Variants in PRPF6 observed in about 807,000 individuals in gnomAD.
PRPF6 encodes pre-mRNA processing factor 6.
PRPF6 carries 42 observed loss-of-function variants against 118.3 expected under a neutral mutation model. That is an observed-to-expected ratio of 0.35 (90% CI 0.28 to 0.46). The LOEUF (loss-of-function observed/expected upper bound fraction) is 0.46, where lower values mean the gene tolerates loss of function less well. Among genes scored for constraint, PRPF6 ranks in the 20% least tolerant of loss-of-function variants. PRPF6 has a pLI of 1.00. For missense variants in PRPF6, 662 were observed against 1,255.7 expected, an observed-to-expected ratio of 0.53 and a Z score of 7.15; for synonymous variants, 481 against 485.1, an observed-to-expected ratio of 0.99 and a Z score of 0.11.
At chr20:64,024,263 T>C (rs2059278000) in intron 13 of PRPF6, among the ~76,000 whole-genome samples, 1 of 152,234 alleles carries the variant, frequency 6.6e-6, no homozygotes, top group African/African-American at 2.4e-5. Flanking sequence ...AGGTTATTGC[T>C]GCTTCCAGGA....
chr20:64,024,675 C>T lies in PRPF6; in HGVS notation c.1890C>T (p.Ile630=), dbSNP rs372742097. The change falls in exon 14 of 21, where the codon ATC becomes ATT. Residue 630 remains isoleucine (I), a synonymous_variant. Transcript: ENST00000266079. ...GGGATGTGCCTGCAGCAAGGAGCATCCTGGCCCTGGCCTTCCAGGTGGGTG... is the reference window on the plus strand; with the variant it reads ...GGGATGTGCCTGCAGCAAGGAGCATTCTGGCCCTGGCCTTCCAGGTGGGTG... ...LAGDVPAARS[I]LALAFQANPN... 3.5e-5 allele frequency: 57 copies of T among 1,612,814 alleles called. No homozygotes were observed. The African/African-American group carries it at 6.7e-4, about 19-fold the overall frequency.
chr20:63,986,995 C>G (rs2059097071), intron 3 of PRPF6, among the ~76,000 whole-genome samples: 1 of 150,902 alleles, frequency 6.6e-6, no homozygotes, highest in South Asian at 2.1e-4. Flanking sequence ...AGGGTAATAC[C>G]TTTTCTTTAC....
At chr20:64,016,992 G>T (rs1473113113) in intron 12 of PRPF6, 147 bp downstream of exon 12, 1 of 1,129,904 alleles carries the variant, frequency 8.9e-7, no homozygotes, top group African/African-American at 1.6e-5. Context: ...GCCCAGGCTG[G>T]AGTGCAGTGG....
At chr20:63,996,264 G>T (rs1047632695) in intron 6 of PRPF6, among the ~76,000 whole-genome samples, 1 of 152,122 alleles carries the variant, frequency 6.6e-6, no homozygotes, top group African/African-American at 2.4e-5. Flanking sequence ...GCTTGAACCC[G>T]GGCGTTGGAG....
rs759157430 is a variant in PRPF6 at position 64,029,500 on chromosome 20, G to C, written c.2546+9G>C. The C allele has an allele frequency of 6.2e-7, 1 of 1,612,240 alleles. No homozygotes were observed. The highest frequency in any genetic ancestry group is 1.1e-5 in the South Asian group (1 of 91,070). ...CTCCTGGCCGTGGCCAAGTGAGTGG[G>C]GCCCCCACAGGATTGCTGAACCTCG... On this transcript the variant is annotated intron_variant, in intron 19 of 20. Coordinates refer to ENST00000266079, the MANE Select transcript of PRPF6 (RefSeq NM_012469.4). This position sits in a 1 kb window ranked among gnomAD's most constrained non-coding sequence, Gnocchi z 4.8.
chr20:63,994,824 C>A, intron 4 of PRPF6, 92 bp from the exon 5 acceptor site: 1 of 1,522,210 alleles, frequency 6.6e-7, no homozygotes. Flanking sequence ...GCTTGGTGAT[C>A]TGGAGGCTAG....
intron 8 of PRPF6, among the ~76,000 whole-genome samples, chr20:64,000,056 A>G (rs943130869): frequency 2.7e-5 from 4 of 150,912 alleles, no homozygotes; most frequent in Non-Finnish European, 5.9e-5. Flanking sequence ...GGTTCACACC[A>G]TTGTCCTGTC....
intron 3 of PRPF6, among the ~76,000 whole-genome samples, chr20:63,986,095 A>G (rs2059091868): frequency 6.6e-6 from 1 of 152,144 alleles, no homozygotes; most frequent in African/African-American, 2.4e-5. Context: ...GCACTTTGGG[A>G]GGCCGAGGTG....
rs531681745 is a variant in PRPF6, at chr20:64,032,538, C to G, written c.2674-303C>G. ...AAAGTGTTGCCAGCCCACGTGAACCCTAACTCCTTGTTTGGAGAAGGCAGA... is the reference window on the plus strand; with the variant it reads ...AAAGTGTTGCCAGCCCACGTGAACCGTAACTCCTTGTTTGGAGAAGGCAGA... On this transcript the variant is annotated intron_variant, in intron 20 of 20. Coordinates refer to ENST00000266079, the MANE Select transcript of PRPF6 (RefSeq NM_012469.4). 2.6e-5 allele frequency among the ~76,000 whole-genome samples: 4 copies of G among 152,370 alleles called. No individual in the cohort carries two copies. In the South Asian group the frequency reaches 8.3e-4, roughly 32 times the overall value.
In PRPF6 at chr20:64,011,779, C is replaced by T. The variant is rs2427591; in HGVS notation, c.1524+276C>T. 0.057 allele frequency among the ~76,000 whole-genome samples: 6,455 copies of T among 112,602 alleles called. 328 individuals carry two copies. Among genetic ancestry groups the T allele is most frequent in the African/African-American group, 0.089 (2,435 of 27,280 alleles). 73.9% of individuals were successfully genotyped at this position (112,602 alleles called of 152,430 possible). On this transcript the variant is annotated intron_variant, in intron 11 of 20. Transcript: ENST00000266079. The surrounding 1 kb of genome is among the most constrained non-coding windows in gnomAD (Gnocchi z 6.7). ...TTCTTTGCTAGTAGAAATGATACAC[C>T]TACGAGAGGAGGACAGGAAGTCTCA...
Position 64,011,496 on chromosome 20 carries a change from G to A in PRPF6, c.1517G>A (p.Trp506Ter). 1.2e-6 allele frequency: 2 copies of A among 1,612,716 alleles called. No homozygotes were observed. The highest frequency in any genetic ancestry group is 1.7e-6 in the Non-Finnish European group (2 of 1,179,788). ...GGTGTGGAGATCAACCGTGAGCAGT[G>A]GATCCAGGTGGGCCGCAGGCGGGTG... ...ANGVEINREQ[W>*]IQDAEECDRA... The change falls in exon 11 of 21, where the codon TGG becomes TAG. Residue 506 changes from tryptophan to a stop codon, truncating the protein, a stop_gained. Coordinates refer to ENST00000266079, the MANE Select transcript of PRPF6 (RefSeq NM_012469.4). LOFTEE classifies it high-confidence loss of function. This position sits in a 1 kb window ranked among gnomAD's most constrained non-coding sequence, Gnocchi z 6.7.
At chr20:64,022,657 A>G in intron 12 of PRPF6, 100 bp from the exon 13 acceptor site, 4 of 1,543,082 alleles carry the variant, frequency 2.6e-6, no homozygotes, top group South Asian at 2.2e-5. Flanking sequence ...CTTCTAGCAG[A>G]TATCATCTTT....
intron 11 of PRPF6, among the ~76,000 whole-genome samples, chr20:64,015,872 A>G (rs1268966072): frequency 6.6e-6 from 1 of 152,144 alleles, no homozygotes; most frequent in African/African-American, 2.4e-5. Context: ...TTATGCACTA[A>G]TCCCAGCACT....
intron 9 of PRPF6, among the ~76,000 whole-genome samples, chr20:64,007,464 CTT>C (rs199727901): frequency 6.5e-4 from 81 of 124,600 alleles, no homozygotes; most frequent in African/African-American, 2.1e-3. Context: ...CCCTTTTCCT[CTT>C]TTTTTTTTTT....
chr20:64,027,428 C>A lies in PRPF6; in HGVS notation c.2206-175C>A, dbSNP rs2059295850. On this transcript the variant is annotated intron_variant, in intron 16 of 20. Coordinates refer to ENST00000266079, the MANE Select transcript of PRPF6 (RefSeq NM_012469.4). The surrounding 1 kb of genome is among the most constrained non-coding windows in gnomAD (Gnocchi z 6.5). ...ACGTACAGACCTGTGTGCACAGGTC[C>A]ACAGCACCACCGCACACCTGTACAC... Among the ~76,000 whole-genome samples the A allele has an allele frequency of 6.6e-6, 1 of 152,128 alleles. No individual in the cohort carries two copies. Among genetic ancestry groups the A allele is most frequent in the Admixed American group, 6.5e-5 (1 of 15,272 alleles).
At chr20:64,025,283 C>T (rs2059283926) in intron 14 of PRPF6, among the ~76,000 whole-genome samples, 1 of 152,182 alleles carries the variant, frequency 6.6e-6, no homozygotes, top group South Asian at 2.1e-4. Context: ...GTAACTGCAG[C>T]GTCCCCTCCA....
At chr20:64,031,345 C>T (rs932997612) in intron 19 of PRPF6, among the ~76,000 whole-genome samples, 6 of 152,194 alleles carry the variant, frequency 3.9e-5, no homozygotes, top group African/African-American at 1.4e-4. Flanking sequence ...CCTAATTTTA[C>T]GGAGTTGGAA....
rs147942392 is a variant in PRPF6 at position 64,024,570 on chromosome 20, A to C, written c.1785A>C (p.Ala595=). Reference sequence around the variant, plus strand: ...TATCTTGCAGGGAGTCCCTGGAAGCACTCCTGCAGAGGGCTGTGGCCCACT... The same window carrying C: ...TATCTTGCAGGGAGTCCCTGGAAGCCCTCCTGCAGAGGGCTGTGGCCCACT... ...KNHGTRESLE[A]LLQRAVAHCP... Residue 595 remains alanine (A), a synonymous_variant, in exon 14 of 21, where the codon GCA becomes GCC. Coordinates refer to ENST00000266079, the MANE Select transcript of PRPF6 (RefSeq NM_012469.4). The C allele has an allele frequency of 1.2e-6, 2 of 1,613,086 alleles. No individual in the cohort carries two copies. Among genetic ancestry groups the C allele is most frequent in the Non-Finnish European group, 1.7e-6 (2 of 1,179,952 alleles).
At chr20:63,991,520 G>A (rs1300254954) in intron 3 of PRPF6, among the ~76,000 whole-genome samples, 2 of 152,026 alleles carry the variant, frequency 1.3e-5, no homozygotes, top group Non-Finnish European at 2.9e-5. Flanking sequence ...GGCCGAGCAC[G>A]GTGGCTCACA....
Sources: allele counts gnomAD v4.1 joint callset (sites outside exome capture counted in the v4.1 genomes callset), GRCh38; gene constraint gnomAD v4.1.1; non-coding constraint Gnocchi (gnomAD v3.1); transcripts MANE v1.5; gene names NCBI Gene and HGNC (gene_info 2026-07-23, HGNC 2026-07-21).